PEAK1: variants seen among roughly 807,000 people sequenced by gnomAD.
PEAK1 encodes inactive tyrosine-protein kinase PEAK1.
PEAK1 carries 54 observed loss-of-function variants against 124.7 expected under a neutral mutation model. The ratio of observed to expected loss-of-function variants is 0.43; its 90% CI spans 0.35 to 0.54. The LOEUF (loss-of-function observed/expected upper bound fraction) is 0.54, where lower values mean the gene tolerates loss of function less well. Ranked by LOEUF, PEAK1 falls within the 20% of genes least tolerant of loss-of-function variation. PEAK1 has a pLI of 0.01. For missense variants in PEAK1, 2,046 were observed against 2,134.5 expected (o/e 0.96, Z 0.82); for synonymous variants, 719 against 760.0 (o/e 0.95, Z 0.89).
At chr15:77,307,444 G>A (rs1038554996) in intron 2 of PEAK1, among the ~76,000 whole-genome samples, 2 of 152,028 alleles carry the variant, frequency 1.3e-5, no homozygotes, top group Non-Finnish European at 2.9e-5. Context: ...AAAGAGAAGC[G>A]TAATCAATCG....
chr15:77,347,368 G>A, intron 2 of PEAK1: 2 of 985,386 alleles, frequency 2.0e-6, no homozygotes, highest in Non-Finnish European at 2.4e-6. Flanking sequence ...CACAGAGGAA[G>A]AGGTTTCTGA....
At chr15:77,394,411 T>C (rs1597584982) in intron 1 of PEAK1, among the ~76,000 whole-genome samples, 1 of 152,238 alleles carries the variant, frequency 6.6e-6, no homozygotes, top group African/African-American at 2.4e-5. Context: ...CTCCTCCACT[T>C]CCAGGCAGCT....
chr15:77,272,002 T>C (rs995548436), intron 5 of PEAK1, among the ~76,000 whole-genome samples: 2 of 152,140 alleles, frequency 1.3e-5, no homozygotes, highest in African/African-American at 4.8e-5. Flanking sequence ...TTAAACAACA[T>C]GTTCCTGAAT....
chr15:77,206,751 C>G (rs1220930873), intron 6 of PEAK1, among the ~76,000 whole-genome samples: 2 of 151,754 alleles, frequency 1.3e-5, no homozygotes, highest in East Asian at 3.9e-4. Flanking sequence ...GAGTAGGTTG[C>G]GAAAATTTTC....
chr15:77,376,098 T>C (rs1297833297), intron 1 of PEAK1, among the ~76,000 whole-genome samples: 2 of 151,382 alleles, frequency 1.3e-5, no homozygotes, highest in Non-Finnish European at 2.9e-5. Context: ...AAAAAACCTT[T>C]CTCCAACTTT....
chr15:77,155,105 T>A (rs2055006625), intron 8 of PEAK1: 1 of 152,250 alleles, frequency 6.6e-6, no homozygotes. Context: ...ATTCTCCCTG[T>A]CACTTTCAGG....
At chr15:77,357,895 T>C (rs1418027220) in intron 2 of PEAK1, among the ~76,000 whole-genome samples, 1 of 152,186 alleles carries the variant, frequency 6.6e-6, no homozygotes, top group Non-Finnish European at 1.5e-5. Context: ...CCACAGTAGT[T>C]ATTCCAAACC....
At chr15:77,389,547 T>C (rs961029266) in intron 1 of PEAK1, among the ~76,000 whole-genome samples, 2 of 152,188 alleles carry the variant, frequency 1.3e-5, no homozygotes, top group Non-Finnish European at 2.9e-5. Context: ...CATGAAATTT[T>C]ATAGGTTATT....
chr15:77,403,188 G>A, intron 1 of PEAK1: 1 of 985,362 alleles, frequency 1.0e-6, no homozygotes, highest in Non-Finnish European at 1.2e-6. Context: ...GGCCTCCAAT[G>A]AGATTGTATT....
At position 77,392,487 on chromosome 15, in the gene PEAK1, C is replaced by A. The variant is rs578165041; in HGVS notation, c.-665-27262G>T. On this transcript the variant is annotated intron_variant, in intron 1 of 9. Transcript: ENST00000682557. ...ATGCAATTCAAGGCAATCTCTGCAGCCTTAACTGCCAGGTTATTTTCAACT... is the reference window on the plus strand; with the variant it reads ...ATGCAATTCAAGGCAATCTCTGCAGACTTAACTGCCAGGTTATTTTCAACT... Among the ~76,000 whole-genome samples, 8 of 152,254 alleles carry A rather than the reference C, an allele frequency of 5.3e-5. No individual in the cohort carries two copies. In the South Asian group the frequency reaches 1.2e-3, roughly 24 times the overall value.
In PEAK1 at chr15:77,202,680, G is replaced by A. The variant is rs113379071; in HGVS notation, c.-114-20640C>T. Among the ~76,000 whole-genome samples the A allele has an allele frequency of 1.6e-3, 236 of 151,860 alleles. 2 individuals carry two copies. Among genetic ancestry groups the A allele is most frequent in the African/African-American group, 5.5e-3 (227 of 41,396 alleles). ...AGCTACTCAGGAGGCTGAGGCAGGA[G>A]AATGATGCGAACCCGGAGGCGGAGC... is the stretch of plus-strand genomic sequence containing the variant. On this transcript the variant is annotated intron_variant, in intron 6 of 9. Coordinates refer to ENST00000682557, the MANE Select transcript of PEAK1 (RefSeq NM_001385026.1).
At chr15:77,385,824 T>C (rs559522632) in intron 1 of PEAK1, among the ~76,000 whole-genome samples, 2 of 152,310 alleles carry the variant, frequency 1.3e-5, no homozygotes, top group East Asian at 3.9e-4. Flanking sequence ...ACCAACTGCC[T>C]CCTGACTAGT....
chr15:77,234,684 A>T (rs894520020), intron 6 of PEAK1, among the ~76,000 whole-genome samples: 1 of 152,200 alleles, frequency 6.6e-6, no homozygotes, highest in South Asian at 2.1e-4. Context: ...TTTAATTTAA[A>T]AAAAATTTGT....
intron 6 of PEAK1, among the ~76,000 whole-genome samples, chr15:77,193,925 T>C (rs532994063): frequency 6.6e-6 from 1 of 152,296 alleles, no homozygotes; most frequent in Admixed American, 6.5e-5. Flanking sequence ...TGGAACAACT[T>C]TCCAGAGTTT....
intron 9 of PEAK1, among the ~76,000 whole-genome samples, chr15:77,127,334 C>A (rs902386808): frequency 6.6e-6 from 1 of 152,084 alleles, no homozygotes; most frequent in African/African-American, 2.4e-5. Flanking sequence ...GCAGCCTGAG[C>A]AGAATGAGAT....
intron 9 of PEAK1, among the ~76,000 whole-genome samples, chr15:77,119,606 G>C (rs1169982609): frequency 6.6e-6 from 1 of 152,158 alleles, no homozygotes; most frequent in Non-Finnish European, 1.5e-5. Flanking sequence ...CAGAATCATA[G>C]CCAAATTACC....
intron 2 of PEAK1, among the ~76,000 whole-genome samples, chr15:77,298,387 T>A (rs1301293776): frequency 6.7e-6 from 1 of 150,262 alleles, no homozygotes; most frequent in Non-Finnish European, 1.5e-5. Context: ...CCCAGCTAAT[T>A]TTTGGTATTT....
At chr15:77,372,146 T>C (rs917255963) in intron 1 of PEAK1, among the ~76,000 whole-genome samples, 2 of 152,214 alleles carry the variant, frequency 1.3e-5, no homozygotes, top group African/African-American at 4.8e-5. Flanking sequence ...AATAGATGTG[T>C]TCCCTAATTA....
intron 1 of PEAK1, among the ~76,000 whole-genome samples, chr15:77,372,156 AC>A: frequency 6.6e-6 from 1 of 152,342 alleles, no homozygotes; most frequent in East Asian, 1.9e-4. Context: ...TTCCCTAATT[AC>A]ACAAGTATAA....
Sources: gnomAD v4.1 joint callset for allele counts (sites outside exome capture counted in the v4.1 genomes callset) on GRCh38, gnomAD v4.1.1 for gene constraint, MANE v1.5 for transcripts, NCBI Gene and HGNC (gene_info 2026-07-23, HGNC 2026-07-21) for gene names.